The following CACNB2 variants were observed in gnomAD, a reference collection of about 807,000 sequenced individuals.
CACNB2 encodes voltage-dependent L-type calcium channel subunit beta-2.
CACNB2 carries 42 observed loss-of-function variants against 73.3 expected under a neutral mutation model. That is an observed-to-expected ratio of 0.57 (90% CI 0.45 to 0.74). The LOEUF is 0.74. Among genes scored for constraint, CACNB2 ranks in the 30% least tolerant of loss-of-function variants. CACNB2 has a pLI of 0.00. For synonymous variants in CACNB2, 348 were observed against 310.3 expected (o/e 1.12, Z -1.28); for missense variants, 940 against 853.0 (o/e 1.10, Z -1.27).
chr10:18,334,024 T>G (rs2040906548), intron 2 of CACNB2, among the ~76,000 whole-genome samples: 1 of 152,226 alleles, frequency 6.6e-6, no homozygotes, highest in East Asian at 1.9e-4. Flanking sequence ...CCTCTCTGCT[T>G]TCTGTTTATG....
intron 2 of CACNB2, among the ~76,000 whole-genome samples, chr10:18,398,257 T>C (rs1333630323): frequency 1.3e-5 from 2 of 152,240 alleles, no homozygotes; most frequent in Non-Finnish European, 2.9e-5. Flanking sequence ...ATGCAACAGC[T>C]TCAGATACTG....
At chr10:18,257,932 C>T (rs1018398184) in intron 2 of CACNB2, among the ~76,000 whole-genome samples, 10 of 152,120 alleles carry the variant, frequency 6.6e-5, no homozygotes, top group South Asian at 2.1e-4. Context: ...TTAGTAGAGA[C>T]GAGGTTTCGT....
Position 18,499,805 on chromosome 10 carries a change from TAAA to T in CACNB2, c.457-987_457-985del, listed in dbSNP as rs60864177. ...GGGCAACAGGGTAAAACCCCATCTCTAAAAAAAAAAAAAAAAAAAAAATTAACC... is the reference window on the plus strand; with the variant it reads ...GGGCAACAGGGTAAAACCCCATCTCTAAAAAAAAAAAAAAAAAAATTAACC... On this transcript the variant is annotated intron_variant, in intron 4 of 13. Transcript: ENST00000324631. Among the ~76,000 whole-genome samples, 93 of 117,784 alleles carry T rather than the reference TAAA, an allele frequency of 7.9e-4. 2 individuals are homozygous for T. Among genetic ancestry groups the T allele is most frequent in the African/African-American group, 2.6e-3 (81 of 30,712 alleles). 77.3% of individuals were successfully genotyped at this position (117,784 alleles called of 152,430 possible).
At chr10:18,419,409 CT>C (rs1320350556) in intron 3 of CACNB2, among the ~76,000 whole-genome samples, 3 of 152,170 alleles carry the variant, frequency 2.0e-5, no homozygotes, top group Non-Finnish European at 4.4e-5. Flanking sequence ...CAACCATTCT[CT>C]TCAACTCTTT....
At chr10:18,171,566 T>TA in intron 2 of CACNB2, among the ~76,000 whole-genome samples, 1 of 120,350 alleles carries the variant, frequency 8.3e-6, no homozygotes, top group Non-Finnish European at 1.9e-5. Flanking sequence ...TTGTTCTTCT[T>TA]CATCCTTCTT....
intron 2 of CACNB2, among the ~76,000 whole-genome samples, chr10:18,317,326 C>A (rs1489962328): frequency 1.3e-5 from 2 of 151,844 alleles, no homozygotes; most frequent in African/African-American, 4.8e-5. Flanking sequence ...GAGGTTTGGG[C>A]TTCTAAAGAT....
chr10:18,486,135 G>A (rs2049049662), intron 3 of CACNB2, among the ~76,000 whole-genome samples: 2 of 152,072 alleles, frequency 1.3e-5, no homozygotes, highest in South Asian at 2.1e-4. Flanking sequence ...AAAAATCTAA[G>A]TAACTATATT....
At chr10:18,165,400 G>A (rs561961170) in intron 2 of CACNB2, among the ~76,000 whole-genome samples, 3 of 152,344 alleles carry the variant, frequency 2.0e-5, no homozygotes, top group South Asian at 2.1e-4. Context: ...CACTGCACCT[G>A]TGCCCTCTTT....
chr10:18,172,300 G>A (rs2033298289), intron 2 of CACNB2, among the ~76,000 whole-genome samples: 1 of 152,186 alleles, frequency 6.6e-6, no homozygotes, highest in South Asian at 2.1e-4. Flanking sequence ...GGAAGTGGAG[G>A]TTGCAGTGAG....
chr10:18,499,805 TAAAAAA>T (rs60864177), intron 4 of CACNB2, among the ~76,000 whole-genome samples: 1 of 117,818 alleles, frequency 8.5e-6, no homozygotes, highest in Non-Finnish European at 1.7e-5. Flanking sequence ...ACCCCATCTC[TAAAAAA>T]AAAAAAAAAA....
intron 9 of CACNB2, among the ~76,000 whole-genome samples, chr10:18,523,182 T>C (rs1365810982): frequency 6.6e-6 from 1 of 152,176 alleles, no homozygotes; most frequent in Non-Finnish European, 1.5e-5. Context: ...TCCTTGGCTC[T>C]GTCATTTATC....
Position 18,539,437 on chromosome 10 carries a change from G to A in CACNB2, c.1696G>A (p.Ala566Thr), listed in dbSNP as rs202218948. The change falls in exon 14 of 14, where the codon GCC becomes ACC. Residue 566 changes from alanine to threonine, a missense_variant. Coordinates refer to ENST00000324631, the MANE Select transcript of CACNB2 (RefSeq NM_201596.3). The stretch of plus-strand genomic sequence containing the variant: ...GGAAACCCAGGAGAGTCGAGACTCT[G>A]CCTACGTAGAGCCAAAGGAAGATTA... The part of the protein sequence containing the change: ...DSETQESRDS[A>T]YVEPKEDYSH... The A allele has an allele frequency of 3.7e-4, 594 of 1,614,016 alleles. 7 individuals are homozygous for A. In the South Asian group the frequency reaches 4.8e-3, roughly 13 times the overall value.
At position 18,539,677 on chromosome 10, in the gene CACNB2, C is replaced by T. The variant is rs546669133; in HGVS notation, c.1936C>T (p.Arg646Trp). 138 of 1,611,838 alleles carry T rather than the reference C, an allele frequency of 8.6e-5. 1 individual carries two copies. The highest frequency in any genetic ancestry group is 7.3e-4 in the African/African-American group (54 of 74,468). ...EKDGEVISKK[R>W]NEAGEWNRDV... ...GGATGGAGAAGTGATATCAAAAAAA[C>T]GGAATGAGGCTGGGGAGTGGAACAG... Residue 646 changes from arginine (R) to tryptophan (W), a missense_variant, in exon 14 of 14, where the codon CGG (arginine) becomes TGG (tryptophan). By Grantham distance (101) the Arg-to-Trp change is moderately radical. Coordinates refer to ENST00000324631, the MANE Select transcript of CACNB2 (RefSeq NM_201596.3).
At chr10:18,237,468 C>G (rs968912447) in intron 2 of CACNB2, among the ~76,000 whole-genome samples, 2 of 152,154 alleles carry the variant, frequency 1.3e-5, no homozygotes, top group African/African-American at 4.8e-5. Context: ...TGCTGGCAAC[C>G]TCAGAGGCTA....
intron 2 of CACNB2, among the ~76,000 whole-genome samples, chr10:18,358,541 T>TGGAG (rs2042019437): frequency 9.2e-5 from 3 of 32,654 alleles, no homozygotes; most frequent in African/African-American, 1.1e-4. Flanking sequence ...TCTCTCTCTC[T>TGGAG]CTCTCTCTCT....
chr10:18,191,907 C>G (rs1393373121), intron 2 of CACNB2, among the ~76,000 whole-genome samples: 4 of 152,096 alleles, frequency 2.6e-5, no homozygotes, highest in African/African-American at 9.7e-5. Context: ...CATGCGTGTG[C>G]AAGTGTCTTT....
At chr10:18,263,135 CTCT>C (rs1019353318) in intron 2 of CACNB2, among the ~76,000 whole-genome samples, 29 of 152,324 alleles carry the variant, frequency 1.9e-4, no homozygotes, top group African/African-American at 6.0e-4. Context: ...GTTTTAACCT[CTCT>C]TCTTTGACAC....
intron 3 of CACNB2, among the ~76,000 whole-genome samples, chr10:18,433,261 A>G (rs2045976973): frequency 6.6e-6 from 1 of 152,210 alleles, no homozygotes; most frequent in Non-Finnish European, 1.5e-5. Context: ...AGAGCAGGAG[A>G]GAGAGCAAGA....
At chr10:18,303,122 G>A (rs915673050) in intron 2 of CACNB2, among the ~76,000 whole-genome samples, 1 of 152,118 alleles carries the variant, frequency 6.6e-6, no homozygotes, top group African/African-American at 2.4e-5. Context: ...TGGAGTTGAA[G>A]GAATAGACAG....
Sources: gnomAD v4.1 joint callset for allele counts (sites outside exome capture counted in the v4.1 genomes callset) on GRCh38, gnomAD v4.1.1 for gene constraint, MANE v1.5 for transcripts, NCBI Gene and HGNC (gene_info 2026-07-23, HGNC 2026-07-21) for gene names.